Variants in CHTF8 observed in about 807,000 individuals in gnomAD.
CHTF8 encodes the protein chromosome transmission fidelity protein 8 homolog.
A neutral mutation model predicts 11.0 loss-of-function variants in CHTF8; 6 were observed. The ratio of observed to expected loss-of-function variants is 0.55; its 90% CI spans 0.30 to 1.08. The LOEUF (loss-of-function observed/expected upper bound fraction) is 1.08. Among genes scored for constraint, CHTF8 ranks in the 50% least tolerant of loss-of-function variants. The pLI is 0.07. For missense variants in CHTF8, 140 were observed against 153.1 expected (o/e 0.91, Z 0.45); for synonymous variants, 53 against 60.5 (o/e 0.88, Z 0.57).
chr16:69,120,438 G>A lies in CHTF8; in HGVS notation c.353C>T (p.Pro118Leu), dbSNP rs765126107. 7 of 1,613,972 alleles carry A rather than the reference G, an allele frequency of 4.3e-6. No individual in the cohort carries two copies. The highest frequency in any genetic ancestry group is 1.6e-4 in the Middle Eastern group (1 of 6,084). ...TRPKPIITSV[P>L]KKV is the part of the protein sequence containing the mutation. Reference sequence around the variant, plus strand: ...TCCGAGGTTCTTTCATACTTTCTTGGGGACGCTGGTGATAATGGGCTTGGG... The same window carrying A: ...TCCGAGGTTCTTTCATACTTTCTTGAGGACGCTGGTGATAATGGGCTTGGG... The change falls in exon 4 of 4, where the codon CCC becomes CTC. Residue 118 changes from proline to leucine, a missense_variant. Physicochemically the swap from Pro to Leu is moderately conservative, Grantham distance 98. Coordinates refer to ENST00000448552, the MANE Select transcript of CHTF8 (RefSeq NM_001039690.5). This position sits in a 1 kb window ranked among gnomAD's most constrained non-coding sequence, Gnocchi z 4.0.
chr16:69,120,265 G>A lies in CHTF8; in HGVS notation c.*160C>T, dbSNP rs1237812656. ...GGTCAGATTTCCACCAAGAGAACCG[G>A]CCGCCATAAGGAAGGGATCCGAGTT... On this transcript the variant is annotated 3_prime_UTR_variant, in exon 4 of 4. Coordinates refer to ENST00000448552, the MANE Select transcript of CHTF8 (RefSeq NM_001039690.5). This position sits in a 1 kb window ranked among gnomAD's most constrained non-coding sequence, Gnocchi z 4.0. The A allele has an allele frequency of 1.4e-6, 1 of 731,978 alleles. No individual in the cohort carries two copies. The highest frequency in any genetic ancestry group is 2.5e-6 in the Non-Finnish European group (1 of 407,254). The allele number at this position is 731,978 out of a possible 1,614,324, so 45.3% of individuals were successfully genotyped here. A position where few individuals can be genotyped will look rare whatever the true frequency, so the allele number is the denominator to read the frequency against.
At chr16:69,129,213 G>A (rs1470510630) in intron 1 of CHTF8, among the ~76,000 whole-genome samples, 2 of 151,892 alleles carry the variant, frequency 1.3e-5, no homozygotes, top group Non-Finnish European at 2.9e-5. Context: ...GGCAGATCAC[G>A]AGGTCAGGAG....
At position 69,121,671 on chromosome 16, in the gene CHTF8, G is replaced by GT. The variant is rs893564251; in HGVS notation, c.-35-179dup. Among the ~76,000 whole-genome samples the GT allele has an allele frequency of 6.9e-3, 969 of 141,236 alleles. 2 individuals are homozygous for GT. The highest frequency in any genetic ancestry group is 0.018 in the Middle Eastern group (5 of 278). The allele number at this position is 141,236 out of a possible 152,430, so 92.7% of individuals were successfully genotyped here. On this transcript the variant is annotated intron_variant, in intron 1 of 3. Transcript: ENST00000448552. ...TTTTTGTATTTTTAGTAGAGATGGG[G>GT]TTTTTTTTTTTTTTGAGACGGAGTC...
chr16:69,126,000 T>G (rs1166694805), intron 1 of CHTF8, among the ~76,000 whole-genome samples: 3 of 152,200 alleles, frequency 2.0e-5, no homozygotes, highest in Non-Finnish European at 4.4e-5. Flanking sequence ...TGACCCATAA[T>G]TTTGACAATT....
intron 1 of CHTF8, among the ~76,000 whole-genome samples, chr16:69,127,991 T>G (rs1351858062): frequency 6.6e-6 from 1 of 151,982 alleles, no homozygotes; most frequent in East Asian, 1.9e-4. Flanking sequence ...CTCGGCTCAC[T>G]GCAACCTCCG....
intron 1 of CHTF8, among the ~76,000 whole-genome samples, chr16:69,122,714 G>C (rs558098820): frequency 6.6e-6 from 1 of 151,922 alleles, no homozygotes; most frequent in African/African-American, 2.4e-5. Flanking sequence ...GCTAATTTTT[G>C]TATTTTTAGT....
intron 1 of CHTF8, among the ~76,000 whole-genome samples, chr16:69,129,015 G>C (rs1962293172): frequency 6.6e-6 from 1 of 151,840 alleles, no homozygotes; most frequent in Non-Finnish European, 1.5e-5. Flanking sequence ...AGTGAGCCGA[G>C]ACTGTGCCAC....
intron 1 of CHTF8, among the ~76,000 whole-genome samples, chr16:69,127,908 C>G (rs1228141427): frequency 6.6e-6 from 1 of 150,878 alleles, no homozygotes; most frequent in Non-Finnish European, 1.5e-5. Flanking sequence ...CCGTGCCCGG[C>G]CAAATTTCTC....
rs1961554758 is a variant in CHTF8, at chr16:69,120,385, C to T, written c.*40G>A. On this transcript the variant is annotated 3_prime_UTR_variant, in exon 4 of 4. Transcript: ENST00000448552. This position sits in a 1 kb window ranked among gnomAD's most constrained non-coding sequence, Gnocchi z 4.0. ...TCGAGGTGGCAGCGGAGCACGAGTC[C>T]AAGGAGTTGGCCGCTCTCTAGGGAA... 6.2e-7 allele frequency: 1 copy of T among 1,601,412 alleles called. No homozygotes were observed.
chr16:69,119,977 G>C lies in CHTF8; in HGVS notation c.*448C>G, dbSNP rs1000311617. 1 of 698,310 alleles carries C rather than the reference G, an allele frequency of 1.4e-6. No homozygotes were observed. The highest frequency in any genetic ancestry group is 2.6e-6 in the Non-Finnish European group (1 of 381,464). The allele number at this position is 698,310 out of a possible 1,614,324, so 43.3% of individuals were successfully genotyped here. Reference sequence around the variant, plus strand: ...TGGGTTGGACATAGGACCTGGTCCTGGGAGACCCCCTAACCTGGGGTTAGA... The same window carrying C: ...TGGGTTGGACATAGGACCTGGTCCTCGGAGACCCCCTAACCTGGGGTTAGA... On this transcript the variant is annotated 3_prime_UTR_variant, in exon 4 of 4. Transcript: ENST00000448552.
Position 69,131,758 on chromosome 16 carries a change from C to T in CHTF8, c.-36+726G>A, listed in dbSNP as rs529266558. ...TTCCCAAAGATTACTCTTTAAACGT[C>T]CTTTCTCTACCACCCTCGTTCTCCA... On this transcript the variant is annotated intron_variant, in intron 1 of 3. Transcript: ENST00000448552. Among the ~76,000 whole-genome samples the T allele has an allele frequency of 3.0e-4, 46 of 151,902 alleles. No individual in the cohort carries two copies. The South Asian group carries it at 9.4e-3, about 31-fold the overall frequency.
At chr16:69,124,400 C>T (rs559166236) in intron 1 of CHTF8, among the ~76,000 whole-genome samples, 5 of 152,226 alleles carry the variant, frequency 3.3e-5, no homozygotes, top group African/African-American at 1.2e-4. Flanking sequence ...GCTTAGCAAA[C>T]ACCCGATTAA....
At chr16:69,128,159 C>T (rs919103458) in intron 1 of CHTF8, among the ~76,000 whole-genome samples, 1 of 152,086 alleles carries the variant, frequency 6.6e-6, no homozygotes, top group Non-Finnish European at 1.5e-5. Context: ...ATGATCCACC[C>T]GCCTCGGCCT....
At chr16:69,126,753 T>C (rs1962088271) in intron 1 of CHTF8, among the ~76,000 whole-genome samples, 1 of 152,234 alleles carries the variant, frequency 6.6e-6, no homozygotes, top group South Asian at 2.1e-4. Flanking sequence ...CATCCTTTAG[T>C]GAATTTTAAA....
intron 1 of CHTF8, among the ~76,000 whole-genome samples, chr16:69,122,593 T>A (rs1961762370): frequency 6.7e-6 from 1 of 149,494 alleles, no homozygotes; most frequent in Non-Finnish European, 1.5e-5. Flanking sequence ...CAGGCTGGAG[T>A]GCAGTGGCAT....
chr16:69,120,368 G>T lies in CHTF8; in HGVS notation c.*57C>A. On this transcript the variant is annotated 3_prime_UTR_variant, in exon 4 of 4. Transcript: ENST00000448552. The surrounding 1 kb of genome is among the most constrained non-coding windows in gnomAD (Gnocchi z 4.0). ...GAACCGTCGAGCCGTCCTCGAGGTG[G>T]CAGCGGAGCACGAGTCCAAGGAGTT... 6.5e-7 allele frequency: 1 copy of T among 1,546,790 alleles called. No homozygotes were observed. Among genetic ancestry groups the T allele is most frequent in the Non-Finnish European group, 8.9e-7 (1 of 1,118,992 alleles).
chr16:69,132,298 T>A, intron 1 of CHTF8, 186 bp downstream of exon 1: 1 of 22,174 alleles, frequency 4.5e-5, no homozygotes, highest in Non-Finnish European at 9.1e-5. Context: ...CCCGCCGCCC[T>A]CCCCCTTCCC....
Position 69,120,294 on chromosome 16 carries a change from A to G in CHTF8, c.*131T>C. ...CCATAAGGAAGGGATCCGAGTTCAC[A>G]CCCAGTGGGTGGCCTGTGTTCAGAA... On this transcript the variant is annotated 3_prime_UTR_variant, in exon 4 of 4. Coordinates refer to ENST00000448552, the MANE Select transcript of CHTF8 (RefSeq NM_001039690.5). The surrounding 1 kb of genome is among the most constrained non-coding windows in gnomAD (Gnocchi z 4.0). 1 of 841,844 alleles carries G rather than the reference A, an allele frequency of 1.2e-6. No individual in the cohort carries two copies. 52.1% of individuals were successfully genotyped at this position (841,844 alleles called of 1,614,324 possible).
At position 69,120,066 on chromosome 16, in the gene CHTF8, T is replaced by C. The variant is rs1961513542; in HGVS notation, c.*359A>G. On this transcript the variant is annotated 3_prime_UTR_variant, in exon 4 of 4. Transcript: ENST00000448552. This position sits in a 1 kb window ranked among gnomAD's most constrained non-coding sequence, Gnocchi z 4.0. Reference sequence around the variant, plus strand: ...TTAGGGTGGGGCCTGGGCCTGGGCCTGGCCCCAAGAGGCCACCAGGCCTTG... The same window carrying C: ...TTAGGGTGGGGCCTGGGCCTGGGCCCGGCCCCAAGAGGCCACCAGGCCTTG... 3 of 691,032 alleles carry C rather than the reference T, an allele frequency of 4.3e-6. No individual in the cohort carries two copies. The highest frequency in any genetic ancestry group is 1.5e-5 in the South Asian group (1 of 66,626). 42.8% of individuals were successfully genotyped at this position (691,032 alleles called of 1,614,324 possible). A position where few individuals can be genotyped will look rare whatever the true frequency, so the allele number is the denominator to read the frequency against.
Sources: gnomAD v4.1 joint callset for allele counts (sites outside exome capture counted in the v4.1 genomes callset) on GRCh38, gnomAD v4.1.1 for gene constraint, Gnocchi (gnomAD v3.1) non-coding constraint, MANE v1.5 for transcripts, NCBI Gene and HGNC (gene_info 2026-07-23, HGNC 2026-07-21) for gene names.